The following MCUR1 variants were observed in gnomAD, a reference collection of about 807,000 sequenced individuals.
MCUR1 encodes the protein mitochondrial calcium uniporter regulator 1.
Under a neutral mutation model 42.0 loss-of-function variants are expected in MCUR1, and 37 were observed. That is an observed-to-expected ratio of 0.88 (90% CI 0.68 to 1.16). The LOEUF (loss-of-function observed/expected upper bound fraction) is 1.16. Ranked by LOEUF, MCUR1 falls within the 50% of genes most tolerant of loss-of-function variation. The pLI, the probability that MCUR1 is intolerant of heterozygous loss-of-function variation, is 0.00. For synonymous variants in MCUR1, 229 were observed against 196.2 expected, an observed-to-expected ratio of 1.17 and a Z score of -1.40; for missense variants, 469 against 468.4, an observed-to-expected ratio of 1.00 and a Z score of -0.01.
At chr6:13,802,108 T>C (rs1210582849) in intron 3 of MCUR1, 135 bp downstream of exon 3, 2 of 583,284 alleles carry the variant, frequency 3.4e-6, no homozygotes, top group African/African-American at 3.7e-5. Flanking sequence ...CTGTAATCTT[T>C]TGCCTCTTAA....
chr6:13,801,939 G>A (rs1173667161), intron 3 of MCUR1, among the ~76,000 whole-genome samples: 1 of 152,162 alleles, frequency 6.6e-6, no homozygotes, highest in East Asian at 1.9e-4. Flanking sequence ...GGGTGGTGAT[G>A]TGAAGACTCG....
chr6:13,791,831 A>G (rs767867280), intron 8 of MCUR1, 47 bp downstream of exon 8: 1 of 1,327,758 alleles, frequency 7.5e-7, no homozygotes, highest in Non-Finnish European at 1.1e-6. Context: ...TATTTTATAA[A>G]TTTATTTTCT....
At chr6:13,802,636 C>T (rs561035391) in intron 2 of MCUR1, among the ~76,000 whole-genome samples, 1 of 152,170 alleles carries the variant, frequency 6.6e-6, no homozygotes, top group African/African-American at 2.4e-5. Flanking sequence ...TAGACAATGC[C>T]GGCAAGTCAA....
intron 1 of MCUR1, 28 bp downstream of exon 1, chr6:13,813,987 C>A: frequency 8.1e-7 from 1 of 1,229,918 alleles, no homozygotes; most frequent in South Asian, 4.1e-5. Context: ...CGAGACGAGC[C>A]CCCTCTCCTC....
rs984614366 is a variant in MCUR1, at chr6:13,786,673, G to A, written c.*4136C>T. The A allele has an allele frequency of 1.3e-5, 2 of 152,102 alleles. No homozygotes were observed. The highest frequency in any genetic ancestry group is 4.8e-5 in the African/African-American group (2 of 41,426). 9.4% of individuals were successfully genotyped at this position (152,102 alleles called of 1,614,324 possible). On this transcript the variant is annotated 3_prime_UTR_variant, in exon 9 of 9. Transcript: ENST00000379170. ...GGCTGGAATTAACAGTTGCAATACAGTTATTCTAGCTTTTCATATTCAATT... is the reference window on the plus strand; with the variant it reads ...GGCTGGAATTAACAGTTGCAATACAATTATTCTAGCTTTTCATATTCAATT...
chr6:13,791,862 A>C lies in MCUR1; in HGVS notation c.1024+16T>G. Reference sequence around the variant, plus strand: ...TTTCTTTTCAGGTTGATTTAAATAGATACAAAATAGCTTACCTGCTAAATA... The same window carrying C: ...TTTCTTTTCAGGTTGATTTAAATAGCTACAAAATAGCTTACCTGCTAAATA... On this transcript the variant is annotated intron_variant, in intron 8 of 8. Coordinates refer to ENST00000379170, the MANE Select transcript of MCUR1 (RefSeq NM_001031713.4). 1.3e-6 allele frequency: 2 copies of C among 1,560,940 alleles called. No homozygotes were observed. Among genetic ancestry groups the C allele is most frequent in the South Asian group, 1.1e-5 (1 of 88,518 alleles).
At chr6:13,811,162 C>A (rs1224462014) in intron 1 of MCUR1, among the ~76,000 whole-genome samples, 4 of 152,102 alleles carry the variant, frequency 2.6e-5, no homozygotes, top group Admixed American at 2.6e-4. Context: ...AAGGGAGCAA[C>A]CTTTATTGAG....
chr6:13,807,006 T>G lies in MCUR1; in HGVS notation c.454A>C (p.Lys152Gln). 1 of 1,613,586 alleles carries G rather than the reference T, an allele frequency of 6.2e-7. No homozygotes were observed. Among genetic ancestry groups the G allele is most frequent in the East Asian group, 2.2e-5 (1 of 44,864 alleles). The change falls in exon 2 of 9, where the codon AAA becomes CAA. Residue 152 changes from lysine (K) to glutamine (Q), a missense_variant. Physicochemically the swap from Lys to Gln is moderately conservative, Grantham distance 53 (BLOSUM62 1). Coordinates refer to ENST00000379170, the MANE Select transcript of MCUR1 (RefSeq NM_001031713.4). ...LSAGSLQLER[K>Q]RRDFTSSGSR... Reference sequence around the variant, plus strand: ...CCAGAAGAGGTGAAATCTCTCCTTTTGCGCTCCAGCTGCAGGGATCCAGCA... The same window carrying G: ...CCAGAAGAGGTGAAATCTCTCCTTTGGCGCTCCAGCTGCAGGGATCCAGCA...
chr6:13,810,696 C>A (rs916914091), intron 1 of MCUR1, among the ~76,000 whole-genome samples: 1 of 152,244 alleles, frequency 6.6e-6, no homozygotes, highest in African/African-American at 2.4e-5. Context: ...TCCCAGCCTA[C>A]TCACAGCTTG....
At position 13,789,365 on chromosome 6, in the gene MCUR1, C is replaced by CA. The variant is rs1491299844; in HGVS notation, c.*1443dup. On this transcript the variant is annotated 3_prime_UTR_variant, in exon 9 of 9. Coordinates refer to ENST00000379170, the MANE Select transcript of MCUR1 (RefSeq NM_001031713.4). Reference sequence around the variant, plus strand: ...GCAGTGAGCAGAGATCACGACAATGCACTCCAGCCCTGCGACAGTGCGAGA... The same window carrying CA: ...GCAGTGAGCAGAGATCACGACAATGCAACTCCAGCCCTGCGACAGTGCGAGA... 1 of 151,564 alleles carries CA rather than the reference C, an allele frequency of 6.6e-6. No individual in the cohort carries two copies. Among genetic ancestry groups the CA allele is most frequent in the Non-Finnish European group, 1.5e-5 (1 of 68,056 alleles). The allele number at this position is 151,564 out of a possible 1,614,324, so 9.4% of individuals were successfully genotyped here.
chr6:13,801,065 G>A (rs1759977853), intron 4 of MCUR1, among the ~76,000 whole-genome samples: 1 of 152,204 alleles, frequency 6.6e-6, no homozygotes, highest in Non-Finnish European at 1.5e-5. Context: ...AGTTAATGGT[G>A]TTATCAGCCA....
intron 1 of MCUR1, among the ~76,000 whole-genome samples, chr6:13,809,007 C>T (rs1342275456): frequency 6.6e-6 from 1 of 152,174 alleles, no homozygotes; most frequent in Non-Finnish European, 1.5e-5. Context: ...GTGGTGCAAG[C>T]ATAGCTCACT....
chr6:13,802,276 G>C lies in MCUR1; in HGVS notation c.606C>G (p.Ile202Met), dbSNP rs201676828. 1 of 1,613,770 alleles carries C rather than the reference G, an allele frequency of 6.2e-7. No individual in the cohort carries two copies. The highest frequency in any genetic ancestry group is 8.5e-7 in the Non-Finnish European group (1 of 1,179,842). Residue 202 changes from isoleucine (I) to methionine (M), a missense_variant, in exon 3 of 9, where the codon ATC (isoleucine) becomes ATG (methionine). Transcript: ENST00000379170. ...TCTTGGTGACCATATCTTTGTAGACGATGTCCATGTTGGCCTCCAGGATCT... is the reference window on the plus strand; with the variant it reads ...TCTTGGTGACCATATCTTTGTAGACCATGTCCATGTTGGCCTCCAGGATCT... ...LVKILEANMD[I>M]VYKDMVTKMQ...
intron 1 of MCUR1, among the ~76,000 whole-genome samples, chr6:13,807,279 C>T (rs1359994989): frequency 6.6e-6 from 1 of 152,164 alleles, no homozygotes; most frequent in Non-Finnish European, 1.5e-5. Context: ...ACAAATTGTA[C>T]CCCTTAGCTG....
At chr6:13,796,027 T>C (rs1759845461) in intron 6 of MCUR1, among the ~76,000 whole-genome samples, 2 of 152,196 alleles carry the variant, frequency 1.3e-5, no homozygotes, top group African/African-American at 2.4e-5. Context: ...ACTCTGTGCA[T>C]TGGTTGCTTT....
At position 13,796,897 on chromosome 6, in the gene MCUR1, T is replaced by C. The variant is rs1402775302; in HGVS notation, c.855+1936A>G. Among the ~76,000 whole-genome samples, 4 of 152,310 alleles carry C rather than the reference T, an allele frequency of 2.6e-5. No homozygotes were observed. The East Asian group carries it at 5.8e-4, about 22-fold the overall frequency. On this transcript the variant is annotated intron_variant, in intron 6 of 8. Transcript: ENST00000379170. The stretch of plus-strand genomic sequence containing the variant: ...TCAAGTGAATTCAGTTCTTCCTGAG[T>C]ATACAACCCATAAAGATAAAGGTAA...
At chr6:13,810,157 C>T (rs572623550) in intron 1 of MCUR1, among the ~76,000 whole-genome samples, 2 of 150,828 alleles carry the variant, frequency 1.3e-5, no homozygotes, top group Non-Finnish European at 3.0e-5. Flanking sequence ...GAGCCAAGAT[C>T]GCACCACTGC....
Position 13,795,475 on chromosome 6 carries a change from G to C in MCUR1, c.856-1528C>G, listed in dbSNP as rs1584983571. ...TTTGGAACTGGCTGTAAATATCATA[G>C]TTAATTTGCAATTTAATATTTAACA... is the stretch of plus-strand genomic sequence containing the variant. On this transcript the variant is annotated intron_variant, in intron 6 of 8. Transcript: ENST00000379170. 2.0e-5 allele frequency among the ~76,000 whole-genome samples: 3 copies of C among 152,282 alleles called. No homozygotes were observed. In the South Asian group the frequency reaches 6.2e-4, roughly 32 times the overall value.
intron 3 of MCUR1, among the ~76,000 whole-genome samples, chr6:13,801,872 A>G (rs1759998603): frequency 6.6e-6 from 1 of 152,058 alleles, no homozygotes. Flanking sequence ...CCCCCAAAAC[A>G]CAAAAAAACA....
Sources: gnomAD v4.1 joint callset for allele counts (sites outside exome capture counted in the v4.1 genomes callset) on GRCh38, gnomAD v4.1.1 for gene constraint, MANE v1.5 for transcripts, NCBI Gene and HGNC (gene_info 2026-07-23, HGNC 2026-07-21) for gene names.